KIF15: variants seen among roughly 807,000 people sequenced by gnomAD.
KIF15 encodes kinesin-like protein KIF15.
A neutral mutation model predicts 190.6 loss-of-function variants in KIF15; 140 were observed. The ratio of observed to expected loss-of-function variants is 0.73; its 90% CI spans 0.64 to 0.84. The LOEUF is 0.84. Among genes scored for constraint, KIF15 ranks in the 40% least tolerant of loss-of-function variants. The pLI, the probability that KIF15 is intolerant of heterozygous loss-of-function variation, is 0.00. For missense variants in KIF15, 1,372 were observed against 1,584.4 expected, an observed-to-expected ratio of 0.87 and a Z score of 2.28; for synonymous variants, 528 against 551.3, an observed-to-expected ratio of 0.96 and a Z score of 0.59.
At chr3:44,764,903 T>G (rs1488786023) in intron 1 of KIF15, among the ~76,000 whole-genome samples, 2 of 152,290 alleles carry the variant, frequency 1.3e-5, no homozygotes. Flanking sequence ...TCCCAAAGTG[T>G]TGGGATCACA....
rs565845720 is a variant in KIF15, at chr3:44,812,471, C to A, written c.2277+182C>A. 5.3e-5 allele frequency among the ~76,000 whole-genome samples: 8 copies of A among 152,314 alleles called. No homozygotes were observed. The South Asian group carries it at 1.4e-3, about 28-fold the overall frequency. ...GGCTTATTTGAGCTGTATTCTCTAC[C>A]TTGTTACTTAGCATGCTGCTCTGAT... On this transcript the variant is annotated intron_variant, in intron 18 of 34. Coordinates refer to ENST00000326047, the MANE Select transcript of KIF15 (RefSeq NM_020242.3).
intron 6 of KIF15, 134 bp from the exon 7 acceptor site, chr3:44,786,261 G>T (rs1420725324): frequency 7.0e-6 from 4 of 570,320 alleles, no homozygotes; most frequent in Non-Finnish European, 1.1e-5. Flanking sequence ...TTACTTTTAG[G>T]TATCTTATAT....
downstream of KIF15, among the ~76,000 whole-genome samples, chr3:44,855,109 G>A (rs1699174405): frequency 6.6e-6 from 1 of 152,196 alleles, no homozygotes; most frequent in Non-Finnish European, 1.5e-5. Flanking sequence ...CAGGTGGGCT[G>A]AGTTTGAAAA....
chr3:44,777,639 C>T (rs541718833), intron 3 of KIF15, among the ~76,000 whole-genome samples: 2 of 152,140 alleles, frequency 1.3e-5, no homozygotes, highest in Admixed American at 6.6e-5. Context: ...TTCAGTGAGC[C>T]GAGATTGCGC....
At chr3:44,774,700 T>G (rs1705792011) in intron 2 of KIF15, among the ~76,000 whole-genome samples, 1 of 152,102 alleles carries the variant, frequency 6.6e-6, no homozygotes, top group Non-Finnish European at 1.5e-5. Flanking sequence ...TACTTGGAAC[T>G]CCATGCAATG....
At chr3:44,829,723 T>C (rs1177913349) in intron 24 of KIF15, among the ~76,000 whole-genome samples, 2 of 137,344 alleles carry the variant, frequency 1.5e-5, no homozygotes, top group Non-Finnish European at 3.0e-5. Flanking sequence ...ATATATATTA[T>C]AGATGTATAT....
At chr3:44,855,705 T>C (rs1454366584), downstream of KIF15, among the ~76,000 whole-genome samples, 1 of 152,084 alleles carries the variant, frequency 6.6e-6, no homozygotes, top group Non-Finnish European at 1.5e-5. Flanking sequence ...AAGGAGGATT[T>C]GTCGTATAGA....
chr3:44,767,590 A>G (rs1424789954), intron 1 of KIF15, among the ~76,000 whole-genome samples: 1 of 152,138 alleles, frequency 6.6e-6, no homozygotes, highest in Admixed American at 6.5e-5. Flanking sequence ...CAAATAGGTA[A>G]TAAGTTGTAA....
chr3:44,761,899 C>G lies in KIF15; in HGVS notation c.19+15C>G. The G allele has an allele frequency of 1.2e-6, 2 of 1,614,170 alleles. No homozygotes were observed. The highest frequency in any genetic ancestry group is 1.7e-6 in the Non-Finnish European group (2 of 1,180,020). On this transcript the variant is annotated intron_variant, in intron 1 of 34. Coordinates refer to ENST00000326047, the MANE Select transcript of KIF15 (RefSeq NM_020242.3). ...CGGCTGCAAAAGTAAGTCTGGGCCC[C>G]CGGCTTCGTTACCCTATTTTTGCCC...
chr3:44,848,453 C>T, intron 31 of KIF15, 68 bp from the exon 32 acceptor site: 3 of 740,674 alleles, frequency 4.1e-6, no homozygotes, highest in East Asian at 3.0e-5. Context: ...TCCTTTCTAT[C>T]TTTTTTAAGC....
chr3:44,830,421 G>A (rs1284220780), intron 25 of KIF15, among the ~76,000 whole-genome samples: 2 of 152,188 alleles, frequency 1.3e-5, no homozygotes, highest in Non-Finnish European at 2.9e-5. Context: ...GTGTTTTTTA[G>A]TGGCTTTGAG....
intron 30 of KIF15, 76 bp from the exon 31 acceptor site, chr3:44,847,909 T>G: frequency 9.3e-7 from 1 of 1,071,364 alleles, no homozygotes; most frequent in South Asian, 1.4e-5. Context: ...ATAATGGATT[T>G]GAATTTGAAA....
At chr3:44,770,763 C>CAGAG (rs986073532) in intron 1 of KIF15, among the ~76,000 whole-genome samples, 2 of 151,690 alleles carry the variant, frequency 1.3e-5, no homozygotes, top group Non-Finnish European at 2.9e-5. Flanking sequence ...AGAAGCCAGG[C>CAGAG]AGAGAGAGAG....
At chr3:44,809,407 A>G (rs1707682416) in intron 16 of KIF15, among the ~76,000 whole-genome samples, 1 of 152,076 alleles carries the variant, frequency 6.6e-6, no homozygotes, top group African/African-American at 2.4e-5. Flanking sequence ...CTTTTGTTAT[A>G]TAGAAGTTTT....
chr3:44,794,689 C>T (rs747713544), intron 8 of KIF15, among the ~76,000 whole-genome samples: 6 of 152,062 alleles, frequency 3.9e-5, no homozygotes, highest in Non-Finnish European at 7.4e-5. Flanking sequence ...TAGCCGGGCG[C>T]GGTGGCTCAC....
chr3:44,840,435 T>A lies in KIF15; in HGVS notation c.3399T>A (p.Asp1133Glu). 6.2e-7 allele frequency: 1 copy of A among 1,607,188 alleles called. No homozygotes were observed. Among genetic ancestry groups the A allele is most frequent in the Middle Eastern group, 1.7e-4 (1 of 6,044 alleles). ...FKMRQLEHVM[D>E]SAAEDPQSPK... Reference sequence around the variant, plus strand: ...TGAGGCAACTAGAACATGTGATGGATTCTGCTGCTGAGGATCCCCAGGTAC... The same window carrying A: ...TGAGGCAACTAGAACATGTGATGGAATCTGCTGCTGAGGATCCCCAGGTAC... Residue 1133 changes from aspartate to glutamate, a missense_variant, in exon 28 of 35, where the codon GAT becomes GAA. Asp to Glu is a conservative substitution (Grantham distance 45). Coordinates refer to ENST00000326047, the MANE Select transcript of KIF15 (RefSeq NM_020242.3).
At chr3:44,790,153 T>C (rs1159518730) in intron 7 of KIF15, among the ~76,000 whole-genome samples, 1 of 152,148 alleles carries the variant, frequency 6.6e-6, no homozygotes, top group Non-Finnish European at 1.5e-5. Context: ...TATTGTCCTG[T>C]ATTTGTATGA....
chr3:44,854,754 C>A (rs1291300258), downstream of KIF15, among the ~76,000 whole-genome samples: 1 of 152,118 alleles, frequency 6.6e-6, no homozygotes, highest in African/African-American at 2.4e-5. Flanking sequence ...TCTCTCAGAG[C>A]CATAGGGGAG....
chr3:44,797,413 G>A, intron 8 of KIF15, 138 bp from the exon 9 acceptor site: 1 of 773,062 alleles, frequency 1.3e-6, no homozygotes, highest in East Asian at 2.6e-5. Flanking sequence ...TTTATTTGTT[G>A]AATAGTTGTT....
Sources: gnomAD v4.1 joint callset for allele counts (sites outside exome capture counted in the v4.1 genomes callset) on GRCh38, gnomAD v4.1.1 for gene constraint, MANE v1.5 for transcripts, NCBI Gene and HGNC (gene_info 2026-07-23, HGNC 2026-07-21) for gene names.